The following DPP10 variants were observed in gnomAD, a reference collection of about 807,000 sequenced individuals.
DPP10 encodes the protein dipeptidyl peptidase like 10.
In DPP10, 33 loss-of-function variants were observed where a neutral mutation model predicts 120.9. The observed-to-expected ratio is 0.27, with a 90% CI of 0.21 to 0.37. DPP10 has a LOEUF of 0.37. Ranked by LOEUF, DPP10 falls within the 10% of genes least tolerant of loss-of-function variation. DPP10 has a pLI of 1.00. For synonymous variants in DPP10, 337 were observed against 326.1 expected (o/e 1.03, Z -0.36); for missense variants, 816 against 942.8 (o/e 0.87, Z 1.76).
intron 5 of DPP10, chr2:115,579,965 C>G (rs1177892643): frequency 6.6e-6 from 1 of 152,120 alleles, no homozygotes; most frequent in African/African-American, 2.4e-5. Context: ...TCCTAATGCT[C>G]TCCCTCCCCC....
intron 5 of DPP10, among the ~76,000 whole-genome samples, chr2:115,608,290 G>A (rs930475525): frequency 2.6e-5 from 4 of 151,984 alleles, no homozygotes; most frequent in Non-Finnish European, 5.9e-5. Context: ...TTCAGGAGGC[G>A]GAGGCGTGAG....
At chr2:114,982,151 TA>T in intron 1 of DPP10, among the ~76,000 whole-genome samples, 1 of 151,946 alleles carries the variant, frequency 6.6e-6, no homozygotes, top group Non-Finnish European at 1.5e-5. Context: ...TTCTGTCCTG[TA>T]AAAAAATAAA....
intron 1 of DPP10, among the ~76,000 whole-genome samples, chr2:114,806,085 A>G (rs1166298337): frequency 6.6e-6 from 1 of 152,220 alleles, no homozygotes; most frequent in Non-Finnish European, 1.5e-5. Context: ...ATTCCTCAGG[A>G]AATAAACAAA....
chr2:114,910,375 T>C (rs981387618), intron 1 of DPP10, among the ~76,000 whole-genome samples: 1 of 151,972 alleles, frequency 6.6e-6, no homozygotes, highest in Admixed American at 6.6e-5. Context: ...AAGATGGTAT[T>C]GACAGCCAGA....
intron 1 of DPP10, among the ~76,000 whole-genome samples, chr2:115,028,573 T>C (rs992056165): frequency 6.6e-6 from 1 of 152,046 alleles, no homozygotes; most frequent in African/African-American, 2.4e-5. Flanking sequence ...TACAGTTGGG[T>C]GAAATGTTAT....
chr2:115,357,655 C>G (rs1157908241), intron 3 of DPP10, among the ~76,000 whole-genome samples: 1 of 152,174 alleles, frequency 6.6e-6, no homozygotes, highest in Non-Finnish European at 1.5e-5. Flanking sequence ...CTAGGCAGTG[C>G]CCCAGTGGGG....
intron 3 of DPP10, among the ~76,000 whole-genome samples, chr2:115,485,804 A>C (rs2075744111): frequency 6.6e-6 from 1 of 152,108 alleles, no homozygotes; most frequent in African/African-American, 2.4e-5. Context: ...ACATCTATTA[A>C]TATGTTCCTT....
chr2:115,324,190 C>T (rs1268514688), intron 2 of DPP10, among the ~76,000 whole-genome samples: 4 of 152,122 alleles, frequency 2.6e-5, no homozygotes, highest in Non-Finnish European at 1.5e-5. Context: ...GCAGGAGAAT[C>T]ACTTGAACCC....
At chr2:115,292,323 T>C (rs896848583) in intron 1 of DPP10, among the ~76,000 whole-genome samples, 27 of 152,128 alleles carry the variant, frequency 1.8e-4, no homozygotes, top group African/African-American at 6.3e-4. Flanking sequence ...TAAACTCTTT[T>C]GATTTTATTT....
At chr2:114,507,436 G>A (rs1250131951) in intron 1 of DPP10, among the ~76,000 whole-genome samples, 1 of 152,100 alleles carries the variant, frequency 6.6e-6, no homozygotes, top group African/African-American at 2.4e-5. Context: ...TACACCATTT[G>A]TGATACGTAC....
chr2:114,485,843 C>T (rs1681468236), intron 1 of DPP10, among the ~76,000 whole-genome samples: 1 of 152,086 alleles, frequency 6.6e-6, no homozygotes, highest in African/African-American at 2.4e-5. Flanking sequence ...GAACTTCCAC[C>T]AAGGGAAAGC....
At chr2:115,714,392 C>G (rs1400819580) in intron 7 of DPP10, among the ~76,000 whole-genome samples, 1 of 152,122 alleles carries the variant, frequency 6.6e-6, no homozygotes, top group Admixed American at 6.5e-5. Context: ...TTTTAAATGT[C>G]TTGACTCTTT....
At chr2:115,160,018 T>C (rs1265052743) in intron 1 of DPP10, among the ~76,000 whole-genome samples, 1 of 152,182 alleles carries the variant, frequency 6.6e-6, no homozygotes. Flanking sequence ...GAGCAAAATA[T>C]AAAAATGCGA....
intron 1 of DPP10, among the ~76,000 whole-genome samples, chr2:115,028,024 T>C (rs756903258): frequency 8.5e-5 from 13 of 152,194 alleles, no homozygotes; most frequent in Non-Finnish European, 1.9e-4. Context: ...ATAGGTTTGT[T>C]GATTTTGTTT....
chr2:114,529,583 GTCT>G (rs1479617104), intron 1 of DPP10, among the ~76,000 whole-genome samples: 1 of 152,062 alleles, frequency 6.6e-6, no homozygotes, highest in Non-Finnish European at 1.5e-5. Flanking sequence ...AGTTTTGAAG[GTCT>G]TCTTTAATTC....
chr2:115,530,388 A>G (rs1430745063), intron 5 of DPP10, among the ~76,000 whole-genome samples: 1 of 152,092 alleles, frequency 6.6e-6, no homozygotes, highest in African/African-American at 2.4e-5. Context: ...AATAAGGAAA[A>G]CTTTTACTCA....
At chr2:114,497,173 A>ACATGTGTACGTGTATACATGTGTATG in intron 1 of DPP10, among the ~76,000 whole-genome samples, 1 of 149,934 alleles carries the variant, frequency 6.7e-6, no homozygotes, top group Non-Finnish European at 1.5e-5. Flanking sequence ...ACACGTGTAT[A>ACATGTGTACGTGTATACATGTGTATG]CATGTGTACG....
chr2:115,314,703 G>T (rs538756150), intron 2 of DPP10, among the ~76,000 whole-genome samples: 3 of 152,092 alleles, frequency 2.0e-5, no homozygotes, highest in Non-Finnish European at 4.4e-5. Context: ...ACTTACCCAG[G>T]TCGATACTGC....
intron 1 of DPP10, among the ~76,000 whole-genome samples, chr2:114,991,266 A>G (rs1700740690): frequency 6.6e-6 from 1 of 152,192 alleles, no homozygotes; most frequent in African/African-American, 2.4e-5. Flanking sequence ...TTTTTGGCTC[A>G]CTAGTTCAGA....
Sources: gnomAD v4.1 joint callset for allele counts (sites outside exome capture counted in the v4.1 genomes callset) on GRCh38, gnomAD v4.1.1 for gene constraint, MANE v1.5 for transcripts, NCBI Gene and HGNC (gene_info 2026-07-23, HGNC 2026-07-21) for gene names.